Variants in ARHGEF10L observed in about 807,000 individuals in gnomAD.
ARHGEF10L encodes the protein Rho guanine nucleotide exchange factor 10 like, also known as rho guanine nucleotide exchange factor 10-like protein.
Under a neutral mutation model 141.2 loss-of-function variants are expected in ARHGEF10L, and 69 were observed. The observed-to-expected ratio is 0.49, with a 90% confidence interval of 0.40 to 0.60. The LOEUF is 0.60. Ranked by LOEUF, ARHGEF10L falls within the 20% of genes least tolerant of loss-of-function variation. The pLI is 0.00. For synonymous variants in ARHGEF10L, 711 were observed against 718.5 expected (o/e 0.99, Z 0.17); for missense variants, 1,482 against 1,734.3 (o/e 0.85, Z 2.58).
intron 7 of ARHGEF10L, 135 bp downstream of exon 7, chr1:17,608,112 G>A: frequency 1.0e-6 from 1 of 969,452 alleles, no homozygotes; most frequent in Non-Finnish European, 1.4e-6. Context: ...CCGGGTATGT[G>A]TGGTGAGAGG....
chr1:17,522,572 G>C, the ARHGEF10L span, among the ~76,000 whole-genome samples: 1 of 151,662 alleles, frequency 6.6e-6, no homozygotes, highest in Non-Finnish European at 1.5e-5. Context: ...AATCCTCGTC[G>C]GGGGCAGAAG....
Position 17,627,348 on chromosome 1 carries a change from C to G in ARHGEF10L, c.1429C>G (p.Pro477Ala). 1.2e-6 allele frequency: 2 copies of G among 1,614,034 alleles called. No homozygotes were observed. Among genetic ancestry groups the G allele is most frequent in the Non-Finnish European group, 8.5e-7 (1 of 1,179,990 alleles). ...LLLQDMLKNT[P>A]RGHPDRLSLQ... ...CTGGCAGGACATGCTGAAGAACACC[C>G]CCAGGGGCCATCCGGACAGGCTGTC... Residue 477 changes from proline (P) to alanine (A), a missense_variant, in exon 15 of 29, where the codon CCC becomes GCC. Around this residue, in one of 3 missense-constraint regions of ARHGEF10L, gnomAD observed 392 missense variants for 542.1 expected, o/e 0.72. Transcript: ENST00000361221. The surrounding 1 kb of genome is among the most constrained non-coding windows in gnomAD (Gnocchi z 4.0).
chr1:17,542,613 A>G (rs1263646102), intron 1 of ARHGEF10L, among the ~76,000 whole-genome samples: 1 of 152,348 alleles, frequency 6.6e-6, no homozygotes, highest in Non-Finnish European at 1.5e-5. Flanking sequence ...GTAATCTTCT[A>G]TGATTAATTT....
At chr1:17,682,345 T>C (rs575690342) in intron 26 of ARHGEF10L, among the ~76,000 whole-genome samples, 2 of 152,270 alleles carry the variant, frequency 1.3e-5, no homozygotes, top group East Asian at 3.9e-4. Flanking sequence ...AAACCCTGGT[T>C]CCCAATAACA....
intron 16 of ARHGEF10L, chr1:17,634,220 C>T (rs1012915289): frequency 1.9e-5 from 9 of 476,812 alleles, no homozygotes; most frequent in African/African-American, 4.0e-5. Context: ...GTTGCTCTAG[C>T]GCAAAGTGCA....
the ARHGEF10L span, among the ~76,000 whole-genome samples, chr1:17,525,959 A>G: frequency 2.7e-5 from 4 of 150,282 alleles, no homozygotes; most frequent in Non-Finnish European, 4.4e-5. Flanking sequence ...CTGAGATCCC[A>G]CCACTGCACC....
chr1:17,619,246 A>G lies in ARHGEF10L; in HGVS notation c.836-93A>G. ...TGCTTGCACCCTAGGACCTGGGTCC[A>G]AGGCTGGTCTAGGGGGGCTCTCAGC... On this transcript the variant is annotated intron_variant, in intron 9 of 28. Coordinates refer to ENST00000361221, the MANE Select transcript of ARHGEF10L (RefSeq NM_018125.4). The surrounding 1 kb of genome is among the most constrained non-coding windows in gnomAD (Gnocchi z 5.0). The G allele has an allele frequency of 7.8e-7, 1 of 1,278,268 alleles. No individual in the cohort carries two copies. The highest frequency in any genetic ancestry group is 1.5e-5 in the African/African-American group (1 of 67,564). The allele number at this position is 1,278,268 out of a possible 1,614,324, so 79.2% of individuals were successfully genotyped here. A position where few individuals can be genotyped will look rare whatever the true frequency, so the allele number is the denominator to read the frequency against.
rs142545518 is a variant in ARHGEF10L at position 17,645,084 on chromosome 1, T to C, written c.2273-3470T>C. On this transcript the variant is annotated intron_variant, in intron 21 of 28. Coordinates refer to ENST00000361221, the MANE Select transcript of ARHGEF10L (RefSeq NM_018125.4). Reference sequence around the variant, plus strand: ...CCCTGGAGCTGCTCCCTGTGTCCCATGGGGAGCTCTCATGCCCAGGGGGTG... The same window carrying C: ...CCCTGGAGCTGCTCCCTGTGTCCCACGGGGAGCTCTCATGCCCAGGGGGTG... 4.1e-3 allele frequency among the ~76,000 whole-genome samples: 627 copies of C among 152,218 alleles called. 4 individuals carry two copies. The highest frequency in any genetic ancestry group is 0.014 in the African/African-American group (588 of 41,536).
chr1:17,670,738 A>G (rs979070931), intron 26 of ARHGEF10L, among the ~76,000 whole-genome samples: 3 of 152,190 alleles, frequency 2.0e-5, no homozygotes, highest in Non-Finnish European at 4.4e-5. Context: ...GATCTCCGCA[A>G]CGCTGAGGAG....
In ARHGEF10L at chr1:17,598,878, C is replaced by A. The variant is rs113692168; in HGVS notation, c.258-3249C>A. Among the ~76,000 whole-genome samples the A allele has an allele frequency of 3.0e-3, 459 of 152,194 alleles. 5 individuals carry two copies. Among genetic ancestry groups the A allele is most frequent in the African/African-American group, 0.011 (437 of 41,522 alleles). On this transcript the variant is annotated intron_variant, in intron 4 of 28. Coordinates refer to ENST00000361221, the MANE Select transcript of ARHGEF10L (RefSeq NM_018125.4). Reference sequence around the variant, plus strand: ...TGAATGTCTACATGCAAGTTCTCGACTTCCAGGTGGTCTGGTTGAAACAAT... The same window carrying A: ...TGAATGTCTACATGCAAGTTCTCGAATTCCAGGTGGTCTGGTTGAAACAAT...
intron 4 of ARHGEF10L, among the ~76,000 whole-genome samples, chr1:17,601,411 C>T (rs1356731329): frequency 6.6e-6 from 1 of 152,212 alleles, no homozygotes; most frequent in African/African-American, 2.4e-5. Flanking sequence ...TAAGCTCTAC[C>T]TCCCACTTAC....
At chr1:17,588,899 T>TGTGTGTGTGTGTGTGTGTGTG (rs1557758147) in intron 4 of ARHGEF10L, among the ~76,000 whole-genome samples, 2 of 30,052 alleles carry the variant, frequency 6.7e-5, no homozygotes, top group Admixed American at 5.4e-4. Context: ...TGTGTGTGTG[T>TGTGTGTGTGTGTGTGTGTGTG]AGTGGGGGAG....
chr1:17,685,839 C>T (rs1289274315), intron 26 of ARHGEF10L, among the ~76,000 whole-genome samples: 1 of 152,240 alleles, frequency 6.6e-6, no homozygotes, highest in Non-Finnish European at 1.5e-5. Flanking sequence ...TGTGAAGCTG[C>T]CAAGGAAGTC....
At chr1:17,563,161 G>C (rs978968362) in intron 1 of ARHGEF10L, among the ~76,000 whole-genome samples, 5 of 152,116 alleles carry the variant, frequency 3.3e-5, no homozygotes, top group African/African-American at 9.7e-5. Flanking sequence ...GGCTTAGAGT[G>C]GGGGGCATTT....
chr1:17,680,169 G>A (rs769705536), intron 26 of ARHGEF10L, among the ~76,000 whole-genome samples: 33 of 152,092 alleles, frequency 2.2e-4, no homozygotes, highest in African/African-American at 2.4e-4. Flanking sequence ...GAGGTGGGAC[G>A]CTGCGCGCAC....
intron 4 of ARHGEF10L, among the ~76,000 whole-genome samples, chr1:17,601,532 C>G (rs140068995): frequency 5.3e-4 from 81 of 152,286 alleles, no homozygotes; most frequent in African/African-American, 1.9e-3. Flanking sequence ...TGCAACCTTC[C>G]TCTTCTGGGT....
rs930704102 is a variant in ARHGEF10L, at chr1:17,602,173, T to C, written c.304T>C (p.Ser102Pro). 49 of 1,583,418 alleles carry C rather than the reference T, an allele frequency of 3.1e-5. No individual in the cohort carries two copies. Among genetic ancestry groups the C allele is most frequent in the Non-Finnish European group, 4.2e-5 (49 of 1,164,792 alleles). The change falls in exon 5 of 29, where the codon TCC (serine) becomes CCC (proline). Residue 102 changes from serine to proline, a missense_variant. Physicochemically the swap from Ser to Pro is moderately conservative, Grantham distance 74 (BLOSUM62 -1). Coordinates refer to ENST00000361221, the MANE Select transcript of ARHGEF10L (RefSeq NM_018125.4). ...SNGDAADAAF[S>P]GARHSSWKRK... ...TGGGGATGCAGCGGACGCAGCCTTCTCCGGGGCCCGGCACTCCAGCTGGAA... is the reference window on the plus strand; with the variant it reads ...TGGGGATGCAGCGGACGCAGCCTTCCCCGGGGCCCGGCACTCCAGCTGGAA...
In ARHGEF10L at chr1:17,631,063, G is replaced by T. The variant is rs146525301; in HGVS notation, c.1585-1258G>T. The stretch of plus-strand genomic sequence containing the variant: ...TCTCTGGGGAGGCTCAGAGTGATCT[G>T]TCCTTTTCTGTCCTGGGGTTGCCTG... On this transcript the variant is annotated intron_variant, in intron 15 of 28. Transcript: ENST00000361221. 8.1e-4 allele frequency among the ~76,000 whole-genome samples: 123 copies of T among 151,640 alleles called. 2 individuals are homozygous for T. In the East Asian group the frequency reaches 0.017, roughly 21 times the overall value.
intron 4 of ARHGEF10L, among the ~76,000 whole-genome samples, chr1:17,595,286 T>G (rs1339932196): frequency 6.6e-6 from 1 of 151,464 alleles, no homozygotes; most frequent in African/African-American, 2.4e-5. Flanking sequence ...CAGGGGAACT[T>G]GTATTGTTTT....
Sources: gnomAD v4.1 joint callset for allele counts (sites outside exome capture counted in the v4.1 genomes callset) on GRCh38, gnomAD v4.1.1 for gene constraint, gnomAD v4.1.1 regional missense constraint, Gnocchi (gnomAD v3.1) non-coding constraint, MANE v1.5 for transcripts, NCBI Gene and HGNC (gene_info 2026-07-23, HGNC 2026-07-21) for gene names.